The following CACNA2D4 variants were observed in gnomAD, a reference collection of about 807,000 sequenced individuals.
CACNA2D4 encodes the protein calcium voltage-gated channel auxiliary subunit alpha2delta 4, also known as voltage-dependent calcium channel subunit alpha-2/delta-4.
In CACNA2D4, 157 loss-of-function variants were observed where a neutral mutation model predicts 163.8. The observed-to-expected ratio is 0.96, with a 90% confidence interval of 0.84 to 1.09. The LOEUF is 1.09. Ranked by LOEUF, CACNA2D4 falls within the 50% of genes least tolerant of loss-of-function variation. The pLI is 0.00. For synonymous variants in CACNA2D4, 598 were observed against 586.9 expected (o/e 1.02, Z -0.27); for missense variants, 1,410 against 1,479.9 (o/e 0.95, Z 0.78).
intron 23 of CACNA2D4, among the ~76,000 whole-genome samples, chr12:1,851,027 C>T (rs1443225500): frequency 6.6e-6 from 1 of 152,200 alleles, no homozygotes; most frequent in East Asian, 1.9e-4. Context: ...TGCAGGTGTG[C>T]ACCACCACAT....
chr12:1,834,976 G>A lies in CACNA2D4; in HGVS notation c.2551+5763C>T, dbSNP rs568050967. ...TGGAACATGTGGGGGATCTCCCTAA[G>A]CTCTGGCCACAGCAAAGCAAGGAGG... On this transcript the variant is annotated intron_variant, in intron 26 of 37. Transcript: ENST00000382722. This position sits in a 1 kb window ranked among gnomAD's most constrained non-coding sequence, Gnocchi z 7.6. The A allele has an allele frequency of 2.4e-4, 148 of 605,480 alleles. No homozygotes were observed. Among genetic ancestry groups the A allele is most frequent in the Non-Finnish European group, 3.6e-4 (132 of 371,706 alleles). 37.5% of individuals were successfully genotyped at this position (605,480 alleles called of 1,614,324 possible).
chr12:1,801,320 T>G (rs575011713), intron 30 of CACNA2D4, among the ~76,000 whole-genome samples: 1 of 152,198 alleles, frequency 6.6e-6, no homozygotes, highest in Admixed American at 6.5e-5. Flanking sequence ...AGCAAATGGC[T>G]TTTGCCCTCG....
intron 26 of CACNA2D4, among the ~76,000 whole-genome samples, chr12:1,818,736 C>G (rs1426338522): frequency 1.4e-5 from 2 of 144,916 alleles, no homozygotes; most frequent in Non-Finnish European, 3.0e-5. Context: ...TGCCAAATCC[C>G]CCTCTGCGAG....
chr12:1,857,438 A>T (rs138797531), intron 20 of CACNA2D4, among the ~76,000 whole-genome samples: 1 of 152,338 alleles, frequency 6.6e-6, no homozygotes, highest in East Asian at 1.9e-4. Flanking sequence ...AAGCTCAGAG[A>T]AGAAAGGAGT....
chr12:1,856,349 T>C, intron 20 of CACNA2D4, 120 bp from the exon 21 acceptor site: 1 of 1,061,898 alleles, frequency 9.4e-7, no homozygotes, highest in Non-Finnish European at 1.4e-6. Flanking sequence ...CTGTTCTTTC[T>C]TGCTCTTAGC....
At position 1,844,419 on chromosome 12, in the gene CACNA2D4, C is replaced by A. The variant is rs750502929; in HGVS notation, c.2453G>T (p.Arg818Leu). ...TGTGTTACCTGGTCCTTCTGCCCAG[C>A]GGAGGTTGAAGACGAAGCTGCCAGC... ...HPAGSFVFNL[R>L]WAEGPESAGE... The change falls in exon 25 of 38, where the codon CGC (arginine) becomes CTC (leucine). Residue 818 changes from arginine to leucine, a missense_variant. Coordinates refer to ENST00000382722, the MANE Select transcript of CACNA2D4 (RefSeq NM_172364.5). This position sits in a 1 kb window ranked among gnomAD's most constrained non-coding sequence, Gnocchi z 4.2. 2.5e-6 allele frequency: 4 copies of A among 1,613,412 alleles called. No homozygotes were observed. The East Asian group carries it at 8.9e-5, about 36-fold the overall frequency.
At chr12:1,827,132 G>A (rs1327839584) in intron 26 of CACNA2D4, among the ~76,000 whole-genome samples, 1 of 151,708 alleles carries the variant, frequency 6.6e-6, no homozygotes, top group African/African-American at 2.4e-5. Context: ...CTCCCTCCCT[G>A]CCCATCCCCG....
chr12:1,858,749 T>G, intron 19 of CACNA2D4, 105 bp from the exon 20 acceptor site: 1 of 774,978 alleles, frequency 1.3e-6, no homozygotes, highest in Non-Finnish European at 2.0e-6. Flanking sequence ...GGGCTTTTTG[T>G]ACCCACGACG....
chr12:1,815,874 G>C (rs1296907024), intron 26 of CACNA2D4, among the ~76,000 whole-genome samples: 6 of 151,746 alleles, frequency 4.0e-5, no homozygotes. Context: ...AGTGAGACAT[G>C]AAGAAGAACT....
rs1387936264 is a variant in CACNA2D4, at chr12:1,878,387, A to C, written c.1647T>G (p.Leu549=). ...TCAGAAAGGCGTATCCGTGCACTCC[A>C]AGCTGCCAGAGTCCAGGGTGGAGGC... is the stretch of plus-strand genomic sequence containing the variant. ...ELMKLAPRYK[L]GVHGYAFLNT... is the part of the protein sequence containing the mutation. Residue 549 remains leucine (L), a splice_region_variant and synonymous_variant, in exon 16 of 38, where the codon CTT becomes CTG. Transcript: ENST00000382722. The surrounding 1 kb of genome is among the most constrained non-coding windows in gnomAD (Gnocchi z 4.6). 2.5e-6 allele frequency: 4 copies of C among 1,600,546 alleles called. No homozygotes were observed. The Admixed American group carries it at 6.9e-5, about 28-fold the overall frequency.
chr12:1,807,937 G>A (rs1159715285), intron 29 of CACNA2D4, among the ~76,000 whole-genome samples: 2 of 152,210 alleles, frequency 1.3e-5, no homozygotes, highest in Non-Finnish European at 2.9e-5. Flanking sequence ...TACACACGGG[G>A]TAAAAAGGTA....
intron 29 of CACNA2D4, among the ~76,000 whole-genome samples, chr12:1,804,113 T>A (rs984108801): frequency 1.4e-5 from 2 of 147,854 alleles, no homozygotes; most frequent in African/African-American, 5.0e-5. Context: ...TTTTTGCTAT[T>A]CTAGTTACTG....
chr12:1,900,421 C>T (rs1323688041), intron 6 of CACNA2D4, among the ~76,000 whole-genome samples: 1 of 152,204 alleles, frequency 6.6e-6, no homozygotes, highest in Non-Finnish European at 1.5e-5. Context: ...AGGCATGAGC[C>T]ACTGCACCTG....
rs778402955 is a variant in CACNA2D4, at chr12:1,882,997, T to C, written c.1355A>G (p.Tyr452Cys). 2 of 1,612,380 alleles carry C rather than the reference T, an allele frequency of 1.2e-6. No homozygotes were observed. Among genetic ancestry groups the C allele is most frequent in the African/African-American group, 2.7e-5 (2 of 74,898 alleles). ...MKWIACNNKG[Y>C]YTQISTLADT... Reference sequence around the variant, plus strand: ...CGCCAGCGTTGAGATCTGCGTGTAGTAGCCTGCGGTGGGGAAGGCCGCGTG... The same window carrying C: ...CGCCAGCGTTGAGATCTGCGTGTAGCAGCCTGCGGTGGGGAAGGCCGCGTG... The change falls in exon 13 of 38, where the codon TAC (tyrosine) becomes TGC (cysteine). Residue 452 changes from tyrosine to cysteine, a missense_variant. Transcript: ENST00000382722.
intron 26 of CACNA2D4, among the ~76,000 whole-genome samples, chr12:1,838,326 C>T (rs1228617263): frequency 1.3e-5 from 2 of 152,250 alleles, no homozygotes; most frequent in African/African-American, 4.8e-5. Flanking sequence ...GCTCGGTGCG[C>T]AATCGTCACC....
chr12:1,848,073 T>C (rs751522342), intron 23 of CACNA2D4, among the ~76,000 whole-genome samples: 1 of 152,198 alleles, frequency 6.6e-6, no homozygotes, highest in Non-Finnish European at 1.5e-5. Flanking sequence ...ACCATCCAAT[T>C]CACCCACCTA....
chr12:1,845,337 G>A (rs963618599), intron 24 of CACNA2D4, among the ~76,000 whole-genome samples: 1 of 150,830 alleles, frequency 6.6e-6, no homozygotes, highest in Non-Finnish European at 1.5e-5. Context: ...GCGAGGGAAG[G>A]GTCAGGGAGG....
rs144908361 is a variant in CACNA2D4 at position 1,808,096 on chromosome 12, G to A, written c.2721+2182C>T. Among the ~76,000 whole-genome samples, 580 of 152,284 alleles carry A rather than the reference G, an allele frequency of 3.8e-3. 5 individuals carry two copies. The highest frequency in any genetic ancestry group is 0.013 in the African/African-American group (560 of 41,560). The stretch of plus-strand genomic sequence containing the variant: ...CTGTGAAGACATGTGAGCAAATGTG[G>A]TCTGGACAGAATAGGACCAAAGTGG... On this transcript the variant is annotated intron_variant, in intron 29 of 37. Transcript: ENST00000382722.
intron 18 of CACNA2D4, among the ~76,000 whole-genome samples, chr12:1,873,273 T>C (rs1349953330): frequency 6.6e-6 from 1 of 152,200 alleles, no homozygotes. Context: ...GTTCTTTATG[T>C]TGAAGCACCC....
Sources: allele counts gnomAD v4.1 joint callset (sites outside exome capture counted in the v4.1 genomes callset), GRCh38; gene constraint gnomAD v4.1.1; non-coding constraint Gnocchi (gnomAD v3.1); transcripts MANE v1.5; gene names NCBI Gene and HGNC (gene_info 2026-07-23, HGNC 2026-07-21).